The following CRISP1 variants were observed in gnomAD, a reference collection of about 807,000 sequenced individuals.
CRISP1 encodes the protein cysteine rich secretory protein 1, also known as cysteine-rich secretory protein 1.
A neutral mutation model predicts 33.1 loss-of-function variants in CRISP1; 44 were observed. The observed-to-expected ratio is 1.33, with a 90% CI of 1.05 to 1.71. The LOEUF is 1.71. Ranked by LOEUF, CRISP1 falls within the 40% of genes most tolerant of loss-of-function variation. The pLI is 0.00. For missense variants in CRISP1, 390 were observed against 301.2 expected, an observed-to-expected ratio of 1.29 and a Z score of -2.18; for synonymous variants, 103 against 98.7, an observed-to-expected ratio of 1.04 and a Z score of -0.26.
intron 3 of CRISP1, among the ~76,000 whole-genome samples, chr6:49,851,512 G>T (rs931850608): frequency 6.6e-6 from 1 of 152,154 alleles, no homozygotes; most frequent in Non-Finnish European, 1.5e-5. Context: ...CAACTAACTA[G>T]ATATCTGGAT....
At position 49,861,116 on chromosome 6, in the gene CRISP1, G is replaced by A. The variant is rs76472090; in HGVS notation, c.-2-3714C>T. ...ATTATAATAAAAACTCTACCAATAA[G>A]AAAAGTCCAGGATCAGATGATTTCA... On this transcript the variant is annotated intron_variant, in intron 1 of 7. Transcript: ENST00000335847. Among the ~76,000 whole-genome samples, 58 of 152,116 alleles carry A rather than the reference G, an allele frequency of 3.8e-4. No individual in the cohort carries two copies. In the East Asian group the frequency reaches 0.011, roughly 28 times the overall value.
At chr6:49,851,860 A>G (rs912733190) in intron 3 of CRISP1, 141 bp downstream of exon 3, 22 of 957,440 alleles carry the variant, frequency 2.3e-5, no homozygotes, top group Non-Finnish European at 3.1e-5. Flanking sequence ...CCTTCTCTGG[A>G]CCTCTGTTTC....
chr6:49,850,123 G>A (rs139499194), intron 3 of CRISP1, among the ~76,000 whole-genome samples: 13,570 of 148,156 alleles, frequency 0.092, 920 homozygotes, highest in Non-Finnish European at 0.15. Flanking sequence ...GGGAGGGATA[G>A]CATTAGAAGA....
chr6:49,870,887 A>C (rs1011881683), upstream of CRISP1, among the ~76,000 whole-genome samples: 3 of 152,106 alleles, frequency 2.0e-5, no homozygotes, highest in Admixed American at 1.3e-4. Context: ...ACCTGAGGTC[A>C]GCTGTTTGAG....
intron 2 of CRISP1, 92 bp from the exon 3 acceptor site, chr6:49,852,221 G>T: frequency 8.6e-7 from 1 of 1,166,926 alleles, no homozygotes. Context: ...CAAATTTATA[G>T]TTTATATTAA....
At chr6:49,867,197 A>G (rs984302086), upstream of CRISP1, among the ~76,000 whole-genome samples, 1 of 152,160 alleles carries the variant, frequency 6.6e-6, no homozygotes, top group African/African-American at 2.4e-5. Flanking sequence ...GAAATATCAC[A>G]GGACACTTAG....
chr6:49,865,270 G>C (rs558026689), intron 1 of CRISP1, among the ~76,000 whole-genome samples: 1 of 152,252 alleles, frequency 6.6e-6, no homozygotes, highest in African/African-American at 2.4e-5. Context: ...TAAAAGAGAT[G>C]AGGTCAATGG....
chr6:49,846,462 T>C (rs1771171314), intron 5 of CRISP1, 58 bp downstream of exon 5: 2 of 1,536,854 alleles, frequency 1.3e-6, no homozygotes, highest in Non-Finnish European at 8.8e-7. Flanking sequence ...CTTAGTTACG[T>C]TTCCACACAC....
chr6:49,850,719 A>G (rs1561944258), intron 3 of CRISP1, among the ~76,000 whole-genome samples: 1 of 152,088 alleles, frequency 6.6e-6, no homozygotes, highest in Non-Finnish European at 1.5e-5. Context: ...GTACTTGAAT[A>G]TATGTATTCT....
At chr6:49,861,886 A>G (rs1301713495) in intron 1 of CRISP1, among the ~76,000 whole-genome samples, 1 of 152,050 alleles carries the variant, frequency 6.6e-6, no homozygotes, top group East Asian at 1.9e-4. Context: ...CTCCATAAAA[A>G]AAAAAATAAC....
intron 1 of CRISP1, among the ~76,000 whole-genome samples, chr6:49,859,759 C>T (rs1771597034): frequency 6.6e-6 from 1 of 152,018 alleles, no homozygotes; most frequent in Non-Finnish European, 1.5e-5. Flanking sequence ...AACAAAATGA[C>T]ATATCAATAA....
chr6:49,862,806 AAAG>A (rs1771687755), intron 1 of CRISP1, among the ~76,000 whole-genome samples: 1 of 143,716 alleles, frequency 7.0e-6, no homozygotes, highest in East Asian at 2.0e-4. Context: ...TTCTCAGAGA[AAAG>A]AAGCTACAAA....
chr6:49,857,445 G>T (rs780127446), intron 1 of CRISP1, 43 bp from the exon 2 acceptor site: 20 of 1,548,212 alleles, frequency 1.3e-5, no homozygotes, highest in Non-Finnish European at 1.6e-5. Flanking sequence ...CTCAATTCAT[G>T]GGATAACATC....
intron 1 of CRISP1, among the ~76,000 whole-genome samples, chr6:49,872,474 C>A (rs530658800): frequency 8.0e-4 from 121 of 152,164 alleles, no homozygotes; most frequent in Middle Eastern, 6.8e-3. Flanking sequence ...AAGTCCTTGC[C>A]CATGCCTATG....
intron 5 of CRISP1, 107 bp downstream of exon 5, chr6:49,846,413 A>C (rs767666265): frequency 2.6e-6 from 3 of 1,172,260 alleles, no homozygotes; most frequent in Non-Finnish European, 3.6e-6. Context: ...AAATTGAGTA[A>C]AGATTGCCAT....
intron 5 of CRISP1, among the ~76,000 whole-genome samples, chr6:49,843,892 G>T (rs1440212976): frequency 2.0e-5 from 3 of 152,198 alleles, no homozygotes; most frequent in Non-Finnish European, 2.9e-5. Flanking sequence ...TTGTTACAAA[G>T]TAGCAAACAA....
At chr6:49,845,709 A>AC (rs1044777645) in intron 5 of CRISP1, among the ~76,000 whole-genome samples, 35 of 151,584 alleles carry the variant, frequency 2.3e-4, no homozygotes, top group African/African-American at 7.5e-4. Flanking sequence ...ACAATAGCCA[A>AC]AAAAAAAAAT....
chr6:49,871,267 T>A (rs1236202967), upstream of CRISP1, among the ~76,000 whole-genome samples: 1 of 152,122 alleles, frequency 6.6e-6, no homozygotes, highest in African/African-American at 2.4e-5. Context: ...ACACATAGTT[T>A]TGAACAAAAT....
intron 4 of CRISP1, among the ~76,000 whole-genome samples, chr6:49,847,646 G>A (rs545311176): frequency 3.9e-4 from 59 of 152,180 alleles, no homozygotes; most frequent in African/African-American, 7.5e-4. Context: ...CAAGGCTCAG[G>A]TATTTCTTTA....
Sources: allele counts gnomAD v4.1 joint callset (sites outside exome capture counted in the v4.1 genomes callset), GRCh38; gene constraint gnomAD v4.1.1; transcripts MANE v1.5; gene names NCBI Gene and HGNC (gene_info 2026-07-23, HGNC 2026-07-21).